Variants in RBFOX1 observed in about 807,000 individuals in gnomAD.
RBFOX1 encodes RNA binding fox-1 homolog 1, also known as RNA binding protein fox-1 homolog 1.
A neutral mutation model predicts 57.7 loss-of-function variants in RBFOX1; 8 were observed. The observed-to-expected ratio is 0.14, with a 90% CI of 0.08 to 0.25. The LOEUF (loss-of-function observed/expected upper bound fraction) is 0.25, where lower values mean the gene tolerates loss of function less well. Ranked by LOEUF, RBFOX1 falls within the 10% of genes least tolerant of loss-of-function variation. The pLI, the probability that RBFOX1 is intolerant of heterozygous loss-of-function variation, is 1.00. For synonymous variants in RBFOX1, 326 were observed against 222.4 expected, an observed-to-expected ratio of 1.47 and a Z score of -4.15; for missense variants, 611 against 548.5, an observed-to-expected ratio of 1.11 and a Z score of -1.14.
intron 3 of RBFOX1, among the ~76,000 whole-genome samples, chr16:5,623,807 A>G (rs2048268282): frequency 6.6e-6 from 1 of 152,098 alleles, no homozygotes; most frequent in Non-Finnish European, 1.5e-5. Context: ...AGATGGCAAG[A>G]ATCCTTCACT....
chr16:7,634,358 C>T (rs2061432066), intron 11 of RBFOX1, among the ~76,000 whole-genome samples: 1 of 151,172 alleles, frequency 6.6e-6, no homozygotes, highest in Non-Finnish European at 1.5e-5. Context: ...TTTTTTTCCT[C>T]CATGGATCTT....
chr16:5,321,943 C>G (rs986469756), intron 1 of RBFOX1, among the ~76,000 whole-genome samples: 3 of 152,112 alleles, frequency 2.0e-5, no homozygotes, highest in East Asian at 3.9e-4. Flanking sequence ...TCTTGCTACC[C>G]TGATGTGTCC....
intron 3 of RBFOX1, among the ~76,000 whole-genome samples, chr16:6,956,629 C>T (rs934224479): frequency 6.6e-6 from 1 of 152,196 alleles, no homozygotes; most frequent in Non-Finnish European, 1.5e-5. Flanking sequence ...CCCGTCTTCC[C>T]TTCTTGTGCC....
At chr16:7,027,639 A>G (rs1425121769) in intron 3 of RBFOX1, among the ~76,000 whole-genome samples, 2 of 152,190 alleles carry the variant, frequency 1.3e-5, no homozygotes, top group South Asian at 2.1e-4. Flanking sequence ...CCCAAGCCCA[A>G]CTTTCATTAT....
chr16:7,006,460 T>C (rs141401405), intron 3 of RBFOX1, among the ~76,000 whole-genome samples: 1 of 152,102 alleles, frequency 6.6e-6, no homozygotes, highest in African/African-American at 2.4e-5. Context: ...GCCAAACAAG[T>C]TTTTTTATGT....
At chr16:5,472,781 G>C (rs377686729) in intron 2 of RBFOX1, among the ~76,000 whole-genome samples, 1 of 152,154 alleles carries the variant, frequency 6.6e-6, no homozygotes, top group Admixed American at 6.5e-5. Flanking sequence ...ATAATTACCA[G>C]CGTAATTAGA....
intron 4 of RBFOX1, among the ~76,000 whole-genome samples, chr16:7,094,235 T>G (rs927808330): frequency 6.6e-6 from 1 of 152,018 alleles, no homozygotes. Context: ...TGTGTCCCCA[T>G]TCAGAGAAGA....
intron 1 of RBFOX1, among the ~76,000 whole-genome samples, chr16:5,356,350 C>T (rs1596638523): frequency 1.3e-5 from 2 of 152,154 alleles, no homozygotes; most frequent in South Asian, 4.1e-4. Flanking sequence ...TTTAAGTCAC[C>T]GCATTTGTGG....
intron 1 of RBFOX1, among the ~76,000 whole-genome samples, chr16:6,125,510 G>T (rs1364573271): frequency 6.6e-6 from 1 of 152,166 alleles, no homozygotes; most frequent in African/African-American, 2.4e-5. Flanking sequence ...GCCCTAAACT[G>T]AGGATAACCC....
rs1287499455 is a variant in RBFOX1 at position 7,140,905 on chromosome 16, C to T, written c.27+88807C>T. Among the ~76,000 whole-genome samples the T allele has an allele frequency of 2.0e-5, 3 of 152,270 alleles. No homozygotes were observed. In the East Asian group the frequency reaches 5.8e-4, roughly 29 times the overall value. On this transcript the variant is annotated intron_variant, in intron 4 of 15. Transcript: ENST00000550418. ...GCTTCCATTAGGCGTTGGCATCTTT[C>T]CCAAAGGGATTCAAGCATGGTTTCT... is the stretch of plus-strand genomic sequence containing the variant.
intron 1 of RBFOX1, among the ~76,000 whole-genome samples, chr16:5,408,773 C>T (rs2066931189): frequency 6.6e-6 from 1 of 152,184 alleles, no homozygotes; most frequent in South Asian, 2.1e-4. Context: ...GGAGCAGGCA[C>T]TTCCCATGGC....
chr16:7,044,841 C>A (rs934004357), intron 3 of RBFOX1, among the ~76,000 whole-genome samples: 19 of 152,036 alleles, frequency 1.2e-4, no homozygotes, highest in Non-Finnish European at 2.1e-4. Flanking sequence ...TTACAGGTGC[C>A]TTTTTTTCCA....
intron 1 of RBFOX1, among the ~76,000 whole-genome samples, chr16:5,465,376 C>G (rs949507737): frequency 6.6e-6 from 1 of 152,144 alleles, no homozygotes; most frequent in Non-Finnish European, 1.5e-5. Flanking sequence ...AATTTAATCA[C>G]CTCTTTAAAG....
chr16:6,733,764 A>G (rs1167053509), intron 3 of RBFOX1, among the ~76,000 whole-genome samples: 1 of 152,140 alleles, frequency 6.6e-6, no homozygotes, highest in Non-Finnish European at 1.5e-5. Flanking sequence ...CCTTAAAAAA[A>G]AATTCTGACC....
chr16:6,883,926 G>T (rs774874495), intron 3 of RBFOX1, among the ~76,000 whole-genome samples: 14 of 152,092 alleles, frequency 9.2e-5, no homozygotes, highest in Non-Finnish European at 1.8e-4. Context: ...CTTTACCCCA[G>T]GTACAAATGA....
chr16:7,639,108 T>C (rs578218842), intron 11 of RBFOX1, among the ~76,000 whole-genome samples: 1 of 152,092 alleles, frequency 6.6e-6, no homozygotes, highest in Non-Finnish European at 1.5e-5. Context: ...GATACAGGAA[T>C]TGGGTGGTTA....
intron 1 of RBFOX1, among the ~76,000 whole-genome samples, chr16:6,159,809 C>G (rs1486609845): frequency 6.6e-6 from 1 of 152,204 alleles, no homozygotes; most frequent in African/African-American, 2.4e-5. Context: ...AGAAGACTGA[C>G]TTGAAGTGGG....
intron 4 of RBFOX1, among the ~76,000 whole-genome samples, chr16:7,223,956 G>C (rs1049416866): frequency 1.3e-5 from 2 of 151,776 alleles, no homozygotes; most frequent in Non-Finnish European, 2.9e-5. Context: ...ACACCTCATT[G>C]TTCCACATGT....
intron 3 of RBFOX1, among the ~76,000 whole-genome samples, chr16:6,874,508 C>CT (rs2061487749): frequency 2.0e-5 from 1 of 49,898 alleles, no homozygotes; most frequent in South Asian, 1.3e-3. Flanking sequence ...AAGACTCCAT[C>CT]TAAAAAAAAA....
Sources: allele counts gnomAD v4.1 joint callset (sites outside exome capture counted in the v4.1 genomes callset), GRCh38; gene constraint gnomAD v4.1.1; transcripts MANE v1.5; gene names NCBI Gene and HGNC (gene_info 2026-07-23, HGNC 2026-07-21).